The following VEGFD variants were observed in gnomAD, a reference collection of about 807,000 sequenced individuals.
The protein encoded by VEGFD is vascular endothelial growth factor D.
VEGFD carries 26 observed loss-of-function variants against 28.0 expected under a neutral mutation model. The ratio of observed to expected loss-of-function variants is 0.93; its 90% CI spans 0.68 to 1.29. The LOEUF (loss-of-function observed/expected upper bound fraction) is 1.29, where lower values mean the gene tolerates loss of function less well. VEGFD is among the 50% of genes most tolerant of loss of function. VEGFD has a pLI of 0.00. For missense variants in VEGFD, 294 were observed against 273.4 expected, an observed-to-expected ratio of 1.08 and a Z score of -0.53; for synonymous variants, 93 against 95.5, an observed-to-expected ratio of 0.97 and a Z score of 0.15.
chrX:15,370,317 C>G (rs994128528), intron 1 of VEGFD, among the ~76,000 whole-genome samples: 1 of 112,072 alleles, frequency 8.9e-6, no homozygotes, highest in Non-Finnish European at 1.9e-5. Flanking sequence ...ACTTGATTCA[C>G]CAAAAGCTAT....
At chrX:15,359,310 C>T (rs1457714641) in intron 2 of VEGFD, among the ~76,000 whole-genome samples, 1 of 105,799 alleles carries the variant, frequency 9.5e-6, no homozygotes, top group African/African-American at 3.4e-5. Flanking sequence ...TACTCTGTCT[C>T]ACTTTCTCAC....
At chrX:15,359,362 C>CTTTTTTTTTTTTT (rs1171408211) in intron 2 of VEGFD, among the ~76,000 whole-genome samples, 2 of 62,877 alleles carry the variant, frequency 3.2e-5, no homozygotes, top group African/African-American at 6.6e-5. Flanking sequence ...CACTTGCAGG[C>CTTTTTTTTTTTTT]TTTTTTTTTT....
At position 15,345,742 on chromosome X, in the gene VEGFD, T is replaced by C. The variant is rs1922529006; in HGVS notation, c.*391A>G. On this transcript the variant is annotated 3_prime_UTR_variant, in exon 7 of 7. Transcript: ENST00000297904. ...GAATCAAATTCTGCATAAAAAAGAA[T>C]CAGAATAATTCACAAGAGTTGCGAT... 2 of 138,409 alleles carry C rather than the reference T, an allele frequency of 1.4e-5. No individual in the cohort carries two copies. Among genetic ancestry groups the C allele is most frequent in the South Asian group, 2.3e-4 (1 of 4,304 alleles). 11.4% of individuals were successfully genotyped at this position (138,409 alleles called of 1,213,427 possible).
chrX:15,381,373 TGGA>T (rs1450880932), intron 1 of VEGFD, among the ~76,000 whole-genome samples: 1 of 111,087 alleles, frequency 9.0e-6, no homozygotes, highest in Non-Finnish European at 1.9e-5. Context: ...TGGGGGTGGC[TGGA>T]GGACAACCTA....
intron 3 of VEGFD, among the ~76,000 whole-genome samples, chrX:15,357,131 C>T (rs927206886): frequency 7.2e-5 from 8 of 111,866 alleles, no homozygotes; most frequent in African/African-American, 9.8e-5. Flanking sequence ...CTCTCATATG[C>T]GACATTTATT....
At chrX:15,377,508 G>A (rs1305262789) in intron 1 of VEGFD, among the ~76,000 whole-genome samples, 1 of 112,284 alleles carries the variant, frequency 8.9e-6, no homozygotes, top group Non-Finnish European at 1.9e-5. Flanking sequence ...TTCCAGCACT[G>A]CTGTAAAATT....
intron 1 of VEGFD, among the ~76,000 whole-genome samples, chrX:15,372,133 T>G (rs1294673215): frequency 8.9e-6 from 1 of 112,105 alleles, no homozygotes; most frequent in African/African-American, 3.2e-5. Flanking sequence ...ATATGTTTGA[T>G]GAAAACTGGC....
chrX:15,381,893 G>A (rs7063739), intron 1 of VEGFD, among the ~76,000 whole-genome samples: 13 of 106,130 alleles, frequency 1.2e-4, no homozygotes, highest in Non-Finnish European at 1.5e-4. Context: ...ATTGCTAATC[G>A]TATTAGTAAG....
At position 15,365,250 on chromosome X, in the gene VEGFD, A is replaced by G. The variant is rs112410246; in HGVS notation, c.91-1931T>C. ...CAGGTTCAAGCGATTCTCCTGCCTC[A>G]GCCTCCTAAGTAGCTGGGACTACAG... On this transcript the variant is annotated intron_variant, in intron 1 of 6. Transcript: ENST00000297904. Among the ~76,000 whole-genome samples, 1,108 of 111,604 alleles carry G rather than the reference A, an allele frequency of 9.9e-3. 12 individuals are homozygous for G. Among genetic ancestry groups the G allele is most frequent in the African/African-American group, 0.034 (1,032 of 30,645 alleles).
chrX:15,361,689 A>G lies in VEGFD; in HGVS notation c.301+1420T>C, dbSNP rs182631145. 4.0e-3 allele frequency among the ~76,000 whole-genome samples: 450 copies of G among 112,355 alleles called. 3 individuals are homozygous for G. Among genetic ancestry groups the G allele is most frequent in the African/African-American group, 0.014 (425 of 30,990 alleles). On this transcript the variant is annotated intron_variant, in intron 2 of 6. Transcript: ENST00000297904. Reference sequence around the variant, plus strand: ...CCAGGTAATCATGTTAATCAAATCTAGAATGCTAGATCAGCAATGCTGTAG... The same window carrying G: ...CCAGGTAATCATGTTAATCAAATCTGGAATGCTAGATCAGCAATGCTGTAG...
chrX:15,357,908 C>A, intron 3 of VEGFD, 95 bp downstream of exon 3: 1 of 742,070 alleles, frequency 1.3e-6, no homozygotes, highest in Non-Finnish European at 2.0e-6. Context: ...GCACATAAAG[C>A]ATTTAGTACA....
chrX:15,381,296 G>A (rs570029491), intron 1 of VEGFD, among the ~76,000 whole-genome samples: 1 of 110,965 alleles, frequency 9.0e-6, no homozygotes, highest in Non-Finnish European at 1.9e-5. Flanking sequence ...TAGAACTATC[G>A]TAGAGGCAAT....
At chrX:15,365,477 C>T (rs1923124415) in intron 1 of VEGFD, among the ~76,000 whole-genome samples, 1 of 111,959 alleles carries the variant, frequency 8.9e-6, no homozygotes. Flanking sequence ...ACTATGACCT[C>T]CCAGCCTAAT....
At chrX:15,378,465 A>G (rs921690149) in intron 1 of VEGFD, among the ~76,000 whole-genome samples, 4 of 112,009 alleles carry the variant, frequency 3.6e-5, no homozygotes, top group Non-Finnish European at 7.5e-5. Context: ...TAGTCCATCA[A>G]TCAGTCAACA....
intron 6 of VEGFD, 92 bp from the exon 7 acceptor site, chrX:15,346,351 A>T (rs898046813): frequency 1.0e-6 from 1 of 993,579 alleles, no homozygotes; most frequent in Non-Finnish European, 1.4e-6. Context: ...TTTTCCAGAC[A>T]TGTATTTAAA....
At chrX:15,377,823 G>A (rs917012401) in intron 1 of VEGFD, among the ~76,000 whole-genome samples, 7 of 111,140 alleles carry the variant, frequency 6.3e-5, no homozygotes, top group Non-Finnish European at 1.3e-4. Context: ...ATTCAAGATC[G>A]GATACTCAGC....
Position 15,353,062 on chromosome X carries a change from C to A in VEGFD, c.742+6G>T. On this transcript the variant is annotated splice_donor_region_variant and intron_variant, in intron 5 of 6. Transcript: ENST00000297904. ...ACTGTTATTATTTTACTACTACTAT[C>A]ATTACCTTCTGTTCCAGCAAGTGGA... The A allele has an allele frequency of 9.0e-7, 1 of 1,112,868 alleles. No homozygotes were observed. Among genetic ancestry groups the A allele is most frequent in the South Asian group, 1.9e-5 (1 of 51,858 alleles). 91.7% of individuals were successfully genotyped at this position (1,112,868 alleles called of 1,213,427 possible). A position where few individuals can be genotyped will look rare whatever the true frequency, so the allele number is the denominator to read the frequency against.
At chrX:15,354,582 C>T (rs1430794538) in intron 4 of VEGFD, among the ~76,000 whole-genome samples, 1 of 110,531 alleles carries the variant, frequency 9.0e-6, no homozygotes, top group African/African-American at 3.3e-5. Flanking sequence ...TTGGTTTTGT[C>T]GTTTGTCTTA....
In VEGFD at chrX:15,384,001, G is replaced by T; in HGVS notation, c.-55C>A. On this transcript the variant is annotated 5_prime_UTR_variant, in exon 1 of 7. Coordinates refer to ENST00000297904, the MANE Select transcript of VEGFD (RefSeq NM_004469.5). Reference sequence around the variant, plus strand: ...AAGCAGTTGACATCAGGCAGCTAGAGAAAATTGTTTCAAAAGGCATTCTCC... The same window carrying T: ...AAGCAGTTGACATCAGGCAGCTAGATAAAATTGTTTCAAAAGGCATTCTCC... 1 of 958,912 alleles carries T rather than the reference G, an allele frequency of 1.0e-6. No homozygotes were observed. Among genetic ancestry groups the T allele is most frequent in the Non-Finnish European group, 1.5e-6 (1 of 670,346 alleles). 79.0% of individuals were successfully genotyped at this position (958,912 alleles called of 1,213,427 possible).
Sources: gnomAD v4.1 joint callset for allele counts (sites outside exome capture counted in the v4.1 genomes callset) on GRCh38, gnomAD v4.1.1 for gene constraint, MANE v1.5 for transcripts, NCBI Gene and HGNC (gene_info 2026-07-23, HGNC 2026-07-21) for gene names.